Variants in GLT1D1 observed in about 807,000 individuals in gnomAD.
GLT1D1 encodes the protein glycosyltransferase 1 domain containing 1.
GLT1D1 carries 21 observed loss-of-function variants against 28.7 expected under a neutral mutation model. That is an observed-to-expected ratio of 0.73 (90% confidence interval 0.52 to 1.05). The LOEUF (loss-of-function observed/expected upper bound fraction) is 1.05. Among genes scored for constraint, GLT1D1 ranks in the 50% least tolerant of loss-of-function variants. GLT1D1 has a pLI of 0.00. For synonymous variants in GLT1D1, 147 were observed against 124.8 expected, an observed-to-expected ratio of 1.18 and a Z score of -1.19; for missense variants, 343 against 330.6, an observed-to-expected ratio of 1.04 and a Z score of -0.29.
chr12:128,865,866 C>T (rs867707886), intron 1 of GLT1D1, among the ~76,000 whole-genome samples: 3 of 151,762 alleles, frequency 2.0e-5, no homozygotes, highest in African/African-American at 2.4e-5. Flanking sequence ...AAACCAAAAA[C>T]CCCCCCAAAA....
At chr12:128,940,922 A>G (rs1260065241) in intron 4 of GLT1D1, among the ~76,000 whole-genome samples, 3 of 152,266 alleles carry the variant, frequency 2.0e-5, no homozygotes, top group Non-Finnish European at 2.9e-5. Flanking sequence ...TCTCTCCCCA[A>G]GAGGATACCC....
At chr12:128,856,184 G>T (rs912954425) in intron 1 of GLT1D1, among the ~76,000 whole-genome samples, 1 of 152,164 alleles carries the variant, frequency 6.6e-6, no homozygotes, top group Admixed American at 6.5e-5. Flanking sequence ...TCATGGTGCC[G>T]ATGGGAGTGT....
intron 1 of GLT1D1, chr12:128,864,097 G>T (rs529372898): frequency 2.9e-5 from 19 of 651,876 alleles, no homozygotes; most frequent in Middle Eastern, 2.6e-4. Context: ...GTCCCTGCAC[G>T]TGGAATGCTG....
At chr12:128,875,880 T>G in intron 1 of GLT1D1, 34 bp from the exon 2 acceptor site, 1 of 1,588,782 alleles carries the variant, frequency 6.3e-7, no homozygotes, top group Non-Finnish European at 8.6e-7. Flanking sequence ...CATTTTCCCC[T>G]CATCTTCTCC....
At chr12:128,895,609 A>C (rs1181108589) in intron 3 of GLT1D1, among the ~76,000 whole-genome samples, 3 of 152,068 alleles carry the variant, frequency 2.0e-5, no homozygotes, top group Non-Finnish European at 2.9e-5. Flanking sequence ...GGCATGCACC[A>C]CCACGCCGGG....
intron 3 of GLT1D1, among the ~76,000 whole-genome samples, chr12:128,892,326 T>TA (rs1223157298): frequency 6.6e-6 from 1 of 152,078 alleles, no homozygotes; most frequent in African/African-American, 2.4e-5. Context: ...TGTGTTACAA[T>TA]AAAAAAAGAC....
At chr12:128,908,323 C>CTTCT (rs200053987) in intron 4 of GLT1D1, among the ~76,000 whole-genome samples, 2,962 of 147,540 alleles carry the variant, frequency 0.02, 36 homozygotes, top group Non-Finnish European at 0.029. Flanking sequence ...TTTTACTTTC[C>CTTCT]TTCTTTCTTT....
intron 7 of GLT1D1, among the ~76,000 whole-genome samples, chr12:128,964,902 C>T (rs999704248): frequency 8.6e-5 from 13 of 152,020 alleles, no homozygotes; most frequent in Non-Finnish European, 7.4e-5. Flanking sequence ...AGTTTAGGGG[C>T]GTGAGAGTGT....
In GLT1D1 at chr12:128,864,133, GA is replaced by G. The variant is rs746004716; in HGVS notation, c.68+10485del. On this transcript the variant is annotated intron_variant, in intron 1 of 7. Coordinates refer to ENST00000281703, the MANE Select transcript of GLT1D1 (RefSeq NM_144669.3). ...GCTGATGCCAGCTCGGCTGGGGCAG[GA>G]GAGTCTTAACATGCTGACTGCGAGG... 4.4e-6 allele frequency: 3 copies of G among 679,572 alleles called. No individual in the cohort carries two copies. The South Asian group carries it at 4.7e-5, about 11-fold the overall frequency. 42.1% of individuals were successfully genotyped at this position (679,572 alleles called of 1,614,324 possible).
rs1880555003 is a variant in GLT1D1, at chr12:128,983,855, C to G, written c.*765C>G. 6.6e-6 allele frequency: 1 copy of G among 152,228 alleles called. No homozygotes were observed. The highest frequency in any genetic ancestry group is 2.4e-5 in the African/African-American group (1 of 41,448). 9.4% of individuals were successfully genotyped at this position (152,228 alleles called of 1,614,324 possible). On this transcript the variant is annotated 3_prime_UTR_variant, in exon 8 of 8. Transcript: ENST00000281703. This position sits in a 1 kb window ranked among gnomAD's most constrained non-coding sequence, Gnocchi z 4.7. ...GGGTGGGCTCTTCCCCTTCCCACAT[C>G]AGGGACCCGGGGATGGATGTCGGAA... is the stretch of plus-strand genomic sequence containing the variant.
chr12:128,888,585 G>T, intron 2 of GLT1D1, 54 bp from the exon 3 acceptor site: 1 of 1,181,016 alleles, frequency 8.5e-7, no homozygotes. Context: ...GGAATGGTTG[G>T]TGAAGGCTGT....
intron 7 of GLT1D1, among the ~76,000 whole-genome samples, chr12:128,977,587 T>A (rs1479179550): frequency 1.3e-5 from 2 of 152,182 alleles, no homozygotes; most frequent in Non-Finnish European, 2.9e-5. Flanking sequence ...GTATTTACCA[T>A]GTGGCTGTGT....
At chr12:128,899,356 C>A in intron 4 of GLT1D1, 69 bp downstream of exon 4, 2 of 1,294,476 alleles carry the variant, frequency 1.5e-6, no homozygotes, top group Non-Finnish European at 2.3e-6. Context: ...AACCGAAAGG[C>A]AGCCTTACTG....
At chr12:128,908,199 G>A (rs61945026) in intron 4 of GLT1D1, among the ~76,000 whole-genome samples, 43,211 of 151,958 alleles carry the variant, frequency 0.28, 7,701 homozygotes, top group Admixed American at 0.43. Flanking sequence ...GTGAGTCCCC[G>A]CGCCTGGCCG....
At chr12:128,908,106 G>A (rs1362145880) in intron 4 of GLT1D1, among the ~76,000 whole-genome samples, 2 of 152,014 alleles carry the variant, frequency 1.3e-5, no homozygotes, top group Non-Finnish European at 2.9e-5. Context: ...TTTTTTAGAC[G>A]AGTCTTGTTC....
intron 4 of GLT1D1, among the ~76,000 whole-genome samples, chr12:128,908,295 T>C (rs1411810889): frequency 6.6e-6 from 1 of 151,910 alleles, no homozygotes; most frequent in Admixed American, 6.6e-5. Flanking sequence ...TTCTTTCTCA[T>C]CTCACCCACG....
chr12:128,865,431 C>G (rs1956488931), intron 1 of GLT1D1, among the ~76,000 whole-genome samples: 1 of 152,102 alleles, frequency 6.6e-6, no homozygotes, highest in African/African-American at 2.4e-5. Flanking sequence ...ATGAACATGT[C>G]TATCACCTTG....
chr12:128,861,942 G>T (rs749631298), intron 1 of GLT1D1, among the ~76,000 whole-genome samples: 6 of 152,214 alleles, frequency 3.9e-5, no homozygotes, highest in Non-Finnish European at 5.9e-5. Context: ...GAATGCAGAT[G>T]AAGTTCAGAC....
At position 128,947,450 on chromosome 12, in the gene GLT1D1, A is replaced by G. The variant is rs1593174925; in HGVS notation, c.532A>G (p.Ile178Val). 4 of 1,614,168 alleles carry G rather than the reference A, an allele frequency of 2.5e-6. No individual in the cohort carries two copies. Among genetic ancestry groups the G allele is most frequent in the Non-Finnish European group, 3.4e-6 (4 of 1,180,010 alleles). The change falls in exon 6 of 8, where the codon ATT (isoleucine) becomes GTT (valine). Residue 178 changes from isoleucine (I) to valine (V), a missense_variant. By Grantham distance (29) the Ile-to-Val change is conservative. Transcript: ENST00000281703. The stretch of plus-strand genomic sequence containing the variant: ...TGTCTCTGAAGGCATGTCAGCTGCA[A>G]TTTTGGAGGTAATTATGTAACTCGA...
Sources: gnomAD v4.1 joint callset for allele counts (sites outside exome capture counted in the v4.1 genomes callset) on GRCh38, gnomAD v4.1.1 for gene constraint, Gnocchi (gnomAD v3.1) non-coding constraint, MANE v1.5 for transcripts, NCBI Gene and HGNC (gene_info 2026-07-23, HGNC 2026-07-21) for gene names.